KLHL14: variants seen among roughly 807,000 people sequenced by gnomAD.
The protein encoded by KLHL14 is kelch-like protein 14.
In KLHL14, 22 loss-of-function variants were observed where a neutral mutation model predicts 64.3. The observed-to-expected ratio is 0.34, with a 90% CI of 0.24 to 0.49. The LOEUF (loss-of-function observed/expected upper bound fraction) is 0.49. Among genes scored for constraint, KLHL14 ranks in the 20% least tolerant of loss-of-function variants. The pLI, the probability that KLHL14 is intolerant of heterozygous loss-of-function variation, is 0.99. For synonymous variants in KLHL14, 322 were observed against 333.4 expected (o/e 0.97, Z 0.37); for missense variants, 661 against 789.0 (o/e 0.84, Z 1.94).
intron 2 of KLHL14, among the ~76,000 whole-genome samples, chr18:32,751,961 T>A (rs923274937): frequency 6.6e-6 from 1 of 152,108 alleles, no homozygotes; most frequent in Non-Finnish European, 1.5e-5. Context: ...ACCCCATCTC[T>A]ACTAAAAATA....
At chr18:32,702,162 A>G (rs1179813094) in intron 3 of KLHL14, among the ~76,000 whole-genome samples, 3 of 152,164 alleles carry the variant, frequency 2.0e-5, no homozygotes, top group Non-Finnish European at 2.9e-5. Context: ...CTAGGAACGG[A>G]CAAAATAAAT....
intron 3 of KLHL14, among the ~76,000 whole-genome samples, chr18:32,704,591 G>A (rs2049981242): frequency 6.6e-6 from 1 of 151,960 alleles, no homozygotes; most frequent in African/African-American, 2.4e-5. Flanking sequence ...GCATGGTGGT[G>A]TGCACCTCTA....
At chr18:32,721,749 A>G (rs1300990520) in intron 3 of KLHL14, among the ~76,000 whole-genome samples, 1 of 152,198 alleles carries the variant, frequency 6.6e-6, no homozygotes, top group Admixed American at 6.5e-5. Context: ...CAGTGTAAAC[A>G]AAGTTGGGAA....
At chr18:32,689,849 C>T (rs146330666) in intron 4 of KLHL14, among the ~76,000 whole-genome samples, 3 of 152,182 alleles carry the variant, frequency 2.0e-5, no homozygotes, top group South Asian at 2.1e-4. Context: ...AAAAGGAAGG[C>T]CATCAACTGA....
intron 1 of KLHL14, chr18:32,772,148 G>T (rs1341147690): frequency 7.4e-6 from 2 of 270,370 alleles, no homozygotes; most frequent in Non-Finnish European, 1.5e-5. Flanking sequence ...CGCCGCCGCC[G>T]CCCGGCTCGG....
At chr18:32,694,648 A>G (rs568479865) in intron 4 of KLHL14, among the ~76,000 whole-genome samples, 1 of 152,302 alleles carries the variant, frequency 6.6e-6, no homozygotes, top group African/African-American at 2.4e-5. Flanking sequence ...GCTGAAAGAG[A>G]GCACTCACAA....
intron 4 of KLHL14, among the ~76,000 whole-genome samples, 184 bp from the exon 5 acceptor site, chr18:32,687,417 T>C (rs1393352118): frequency 6.6e-6 from 1 of 152,222 alleles, no homozygotes; most frequent in Admixed American, 6.5e-5. Context: ...CAAGTGTTTT[T>C]CCTCTTTCCT....
At chr18:32,709,352 A>G (rs2050006850) in intron 3 of KLHL14, among the ~76,000 whole-genome samples, 1 of 152,134 alleles carries the variant, frequency 6.6e-6, no homozygotes. Context: ...GCTGGAAGAG[A>G]GACCTTTCCT....
intron 4 of KLHL14, among the ~76,000 whole-genome samples, chr18:32,687,623 T>TG (rs1315137305): frequency 1.3e-5 from 2 of 152,232 alleles, no homozygotes; most frequent in Admixed American, 1.3e-4. Flanking sequence ...CTACCTTGTA[T>TG]GATGGTATCT....
At chr18:32,732,445 T>C (rs533653224) in intron 3 of KLHL14, among the ~76,000 whole-genome samples, 2 of 152,330 alleles carry the variant, frequency 1.3e-5, no homozygotes, top group East Asian at 3.9e-4. Flanking sequence ...CATTAGGGGC[T>C]AGTAAATATT....
intron 3 of KLHL14, among the ~76,000 whole-genome samples, chr18:32,720,605 C>CA (rs2050073409): frequency 6.6e-6 from 1 of 152,134 alleles, no homozygotes; most frequent in Non-Finnish European, 1.5e-5. Flanking sequence ...TGGCTGCTGT[C>CA]ACAAGGATGA....
intron 3 of KLHL14, among the ~76,000 whole-genome samples, chr18:32,711,789 A>T (rs2050020697): frequency 6.6e-6 from 1 of 152,026 alleles, no homozygotes; most frequent in Non-Finnish European, 1.5e-5. Flanking sequence ...CTTTGCAGTA[A>T]TTTCCTGGCA....
chr18:32,722,186 T>A (rs1379955591), intron 3 of KLHL14, among the ~76,000 whole-genome samples: 8 of 152,220 alleles, frequency 5.3e-5, no homozygotes, highest in Non-Finnish European at 1.2e-4. Flanking sequence ...TAATTAAACC[T>A]CTTTCCTTTA....
intron 5 of KLHL14, among the ~76,000 whole-genome samples, chr18:32,686,520 C>T (rs544819907): frequency 6.6e-6 from 1 of 151,966 alleles, no homozygotes; most frequent in East Asian, 1.9e-4. Flanking sequence ...GAGACTTGGT[C>T]GAGATAACTA....
intron 3 of KLHL14, among the ~76,000 whole-genome samples, chr18:32,720,582 C>A (rs1421420133): frequency 6.6e-6 from 1 of 152,040 alleles, no homozygotes; most frequent in Admixed American, 6.6e-5. Context: ...TAGTGGTCAC[C>A]CAACAATTCT....
chr18:32,677,572 G>C (rs1156894971), intron 7 of KLHL14, among the ~76,000 whole-genome samples: 3 of 152,114 alleles, frequency 2.0e-5, no homozygotes, highest in Non-Finnish European at 2.9e-5. Flanking sequence ...CATTAGCAAA[G>C]GTTGATTATA....
chr18:32,677,025 C>T (rs1297315417), intron 8 of KLHL14, 148 bp downstream of exon 8: 11 of 852,306 alleles, frequency 1.3e-5, no homozygotes, highest in Non-Finnish European at 1.8e-5. Flanking sequence ...CAGGCTGATC[C>T]TATTTTACTA....
intron 4 of KLHL14, 21 bp downstream of exon 4, chr18:32,695,442 A>G (rs2049931860): frequency 4.0e-6 from 6 of 1,497,580 alleles, no homozygotes; most frequent in Non-Finnish European, 5.6e-6. Flanking sequence ...AGCACCTCCA[A>G]TTAAGTTGTT....
At chr18:32,724,884 C>T (rs137855203) in intron 3 of KLHL14, among the ~76,000 whole-genome samples, 3 of 152,294 alleles carry the variant, frequency 2.0e-5, no homozygotes, top group Non-Finnish European at 2.9e-5. Flanking sequence ...AAGCTAGTTA[C>T]GTCTGCCTTA....
Sources: allele counts gnomAD v4.1 joint callset (sites outside exome capture counted in the v4.1 genomes callset), GRCh38; gene constraint gnomAD v4.1.1; transcripts MANE v1.5; gene names NCBI Gene and HGNC (gene_info 2026-07-23, HGNC 2026-07-21).